The following ITGB7 variants were observed in gnomAD, a reference collection of about 807,000 sequenced individuals.
ITGB7 encodes the protein integrin beta-7.
In ITGB7, 55 loss-of-function variants were observed where a neutral mutation model predicts 83.4. That is an observed-to-expected ratio of 0.66 (90% CI 0.53 to 0.83). ITGB7 has a LOEUF of 0.83. ITGB7 is among the 40% of genes least tolerant of loss of function. ITGB7 has a pLI of 0.00. For synonymous variants in ITGB7, 454 were observed against 423.6 expected, an observed-to-expected ratio of 1.07 and a Z score of -0.88; for missense variants, 921 against 1,046.7, an observed-to-expected ratio of 0.88 and a Z score of 1.66.
chr12:53,191,747 A>C (rs760034104), intron 15 of ITGB7, 111 bp from the exon 16 acceptor site: 50 of 1,526,114 alleles, frequency 3.3e-5, no homozygotes, highest in Admixed American at 2.2e-4. Flanking sequence ...GGAAGTTAGC[A>C]GAGGGGTTGG....
intron 10 of ITGB7, 37 bp downstream of exon 10, chr12:53,194,161 C>A: frequency 6.2e-7 from 1 of 1,612,664 alleles, no homozygotes; most frequent in South Asian, 1.1e-5. Context: ...TCCCACCTCC[C>A]CCTGCCCGCC....
intron 3 of ITGB7, among the ~76,000 whole-genome samples, chr12:53,199,215 C>A (rs1942263607): frequency 6.6e-6 from 1 of 152,170 alleles, no homozygotes; most frequent in South Asian, 2.1e-4. Flanking sequence ...CTGCCCCCAT[C>A]CCAGCTTGGG....
chr12:53,193,763 G>C lies in ITGB7; in HGVS notation c.1447C>G (p.Pro483Ala). ...LCDCNCSDTQPQAPHCSDGQG... is the reference protein window; with the variant it reads ...LCDCNCSDTQAQAPHCSDGQG... ...CCATCACTGCAGTGGGGAGCCTGGGGCTGGGTGTCACTGCAATTACAGTCA... is the reference window on the plus strand; with the variant it reads ...CCATCACTGCAGTGGGGAGCCTGGGCCTGGGTGTCACTGCAATTACAGTCA... The change falls in exon 11 of 16, where the codon CCC (proline) becomes GCC (alanine). Residue 483 changes from proline (P) to alanine (A), a missense_variant. Coordinates refer to ENST00000267082, the MANE Select transcript of ITGB7 (RefSeq NM_000889.3). 1 of 1,614,080 alleles carries C rather than the reference G, an allele frequency of 6.2e-7. No individual in the cohort carries two copies. The highest frequency in any genetic ancestry group is 8.5e-7 in the Non-Finnish European group (1 of 1,179,996).
Position 53,195,042 on chromosome 12 carries a change from T to G in ITGB7, c.1161+332A>C, listed in dbSNP as rs956036967. ...ATCTGTAAAATAGGGATGGTAACAG[T>G]TATGAAGCAAGGCTTTTGGCAGGGT... On this transcript the variant is annotated intron_variant, in intron 9 of 15. Transcript: ENST00000267082. The G allele has an allele frequency of 1.0e-4, 30 of 292,626 alleles. No individual in the cohort carries two copies. In the Admixed American group the frequency reaches 1.3e-3, roughly 13 times the overall value. The allele number at this position is 292,626 out of a possible 1,614,324, so 18.1% of individuals were successfully genotyped here.
chr12:53,193,649 G>C, intron 11 of ITGB7, 59 bp downstream of exon 11: 1 of 1,430,082 alleles, frequency 7.0e-7, no homozygotes, highest in Non-Finnish European at 9.5e-7. Flanking sequence ...GGAGGAATAC[G>C]GGCCAGGGTT....
intron 1 of ITGB7, among the ~76,000 whole-genome samples, chr12:53,202,816 C>G (rs1942350277): frequency 6.6e-6 from 1 of 152,068 alleles, no homozygotes; most frequent in Non-Finnish European, 1.5e-5. Context: ...CAAAAATTAG[C>G]CGGGTGTAGT....
chr12:53,195,596 TG>T, intron 8 of ITGB7, 29 bp downstream of exon 8: 1 of 1,585,762 alleles, frequency 6.3e-7, no homozygotes, highest in Non-Finnish European at 8.7e-7. Flanking sequence ...GGGATGGGGC[TG>T]GGGGATCTGA....
intron 5 of ITGB7, 188 bp from the exon 6 acceptor site, chr12:53,197,008 G>T: frequency 1.6e-6 from 1 of 638,630 alleles, no homozygotes; most frequent in Non-Finnish European, 2.7e-6. Flanking sequence ...GCAGGTAGAA[G>T]ACATTAAGAG....
At chr12:53,195,793 G>T in intron 7 of ITGB7, 72 bp from the exon 8 acceptor site, 1 of 1,315,400 alleles carries the variant, frequency 7.6e-7, no homozygotes, top group Non-Finnish European at 1.1e-6. Context: ...CCTCAGCCCA[G>T]GGAATCCAGG....
In ITGB7 at chr12:53,192,329, C is replaced by G; in HGVS notation, c.2155+1G>C. 6.2e-7 allele frequency: 1 copy of G among 1,614,010 alleles called. No individual in the cohort carries two copies. The highest frequency in any genetic ancestry group is 1.1e-5 in the South Asian group (1 of 91,072). On this transcript the variant is annotated splice_donor_variant, in intron 14 of 15. Coordinates refer to ENST00000267082, the MANE Select transcript of ITGB7 (RefSeq NM_000889.3). LOFTEE classifies it high-confidence loss of function. Reference sequence around the variant, plus strand: ...GGTTTGTGGCATCCCTGCCCACTTACTTTCTTGGGGTCTCACTCTGAGCAC... The same window carrying G: ...GGTTTGTGGCATCCCTGCCCACTTAGTTTCTTGGGGTCTCACTCTGAGCAC...
Position 53,200,383 on chromosome 12 carries a change from A to G in ITGB7, c.61T>C (p.Leu21=). ...CCTGTGGATGGGATCTTGGCGTCCA[A>G]TTCACTCTCACCTCTGCTCAGGACC... ...LLVLSRGESE[L]DAKIPSTGDA... The change falls in exon 3 of 16, where the codon TTG becomes CTG. Residue 21 remains leucine, a synonymous_variant. Coordinates refer to ENST00000267082, the MANE Select transcript of ITGB7 (RefSeq NM_000889.3). The G allele has an allele frequency of 1.2e-6, 2 of 1,614,132 alleles. No homozygotes were observed. The highest frequency in any genetic ancestry group is 1.3e-5 in the African/African-American group (1 of 75,026).
Position 53,192,421 on chromosome 12 carries a change from G to C in ITGB7, c.2064C>G (p.Cys688Trp). ...ALAPILDDGW[C>W]KERTLDNQLF... ...GCTGGTTGTCCAGGGTCCGCTCTTTGCACCAGCCATCATCCAAGATAGGGG... is the reference window on the plus strand; with the variant it reads ...GCTGGTTGTCCAGGGTCCGCTCTTTCCACCAGCCATCATCCAAGATAGGGG... Residue 688 changes from cysteine (C) to tryptophan (W), a missense_variant, in exon 14 of 16, where the codon TGC becomes TGG. Coordinates refer to ENST00000267082, the MANE Select transcript of ITGB7 (RefSeq NM_000889.3). 6.2e-7 allele frequency: 1 copy of C among 1,614,074 alleles called. No homozygotes were observed. Among genetic ancestry groups the C allele is most frequent in the Non-Finnish European group, 8.5e-7 (1 of 1,180,028 alleles).
chr12:53,195,609 A>G lies in ITGB7; in HGVS notation c.1071+17T>C. On this transcript the variant is annotated intron_variant, in intron 8 of 15. Coordinates refer to ENST00000267082, the MANE Select transcript of ITGB7 (RefSeq NM_000889.3). ...TTGGGATGGGGCTGGGGGATCTGAC[A>G]TGTAGACAGCTCTCACCTGGTAGAC... 6.2e-7 allele frequency: 1 copy of G among 1,604,148 alleles called. No individual in the cohort carries two copies. Among genetic ancestry groups the G allele is most frequent in the Non-Finnish European group, 8.5e-7 (1 of 1,170,894 alleles).
chr12:53,192,973 G>T (rs1254463179), intron 12 of ITGB7, 63 bp from the exon 13 acceptor site: 10 of 1,519,270 alleles, frequency 6.6e-6, no homozygotes, highest in Non-Finnish European at 9.1e-6. Context: ...CCATCATGTG[G>T]CACGACAAGC....
intron 12 of ITGB7, 88 bp downstream of exon 12, chr12:53,193,052 T>A (rs1024569899): frequency 7.1e-7 from 1 of 1,403,250 alleles, no homozygotes; most frequent in Non-Finnish European, 9.9e-7. Context: ...TCTTTTGATA[T>A]TTGCCTTCCA....
rs1942122821 is a variant in ITGB7, at chr12:53,195,398, T to C, written c.1137A>G (p.Val379=). 7 of 1,613,048 alleles carry C rather than the reference T, an allele frequency of 4.3e-6. No homozygotes were observed. The highest frequency in any genetic ancestry group is 1.3e-5 in the African/African-American group (1 of 74,872). ...GELSEDSSNV[V]QLIMDAYNSL... is the part of the protein sequence containing the mutation. ...CATTATAAGCATCCATGATGAGCTGTACCACGTTGCTGGAGTCCTCACTCA... is the reference window on the plus strand; with the variant it reads ...CATTATAAGCATCCATGATGAGCTGCACCACGTTGCTGGAGTCCTCACTCA... The change falls in exon 9 of 16, where the codon GTA becomes GTG. Residue 379 remains valine (V), a synonymous_variant. Transcript: ENST00000267082.
intron 10 of ITGB7, 137 bp downstream of exon 10, chr12:53,194,061 T>C: frequency 7.2e-7 from 1 of 1,397,868 alleles, no homozygotes; most frequent in Non-Finnish European, 9.9e-7. Flanking sequence ...CTCAGACTGC[T>C]CCAGGAAGGA....
At position 53,191,540 on chromosome 12, in the gene ITGB7, A is replaced by T. The variant is rs758333997; in HGVS notation, c.*16T>A. 1 of 1,594,206 alleles carries T rather than the reference A, an allele frequency of 6.3e-7. No individual in the cohort carries two copies. The highest frequency in any genetic ancestry group is 1.7e-5 in the Admixed American group (1 of 60,000). ...CCTCCAAGGAGAAGAGCCTTGGGTA[A>T]GTGTCCCTCCCTCCTTCAGAGAGTG... On this transcript the variant is annotated 3_prime_UTR_variant, in exon 16 of 16. Coordinates refer to ENST00000267082, the MANE Select transcript of ITGB7 (RefSeq NM_000889.3).
intron 9 of ITGB7, 173 bp downstream of exon 9, chr12:53,195,201 G>A: frequency 1.7e-6 from 1 of 602,542 alleles, no homozygotes; most frequent in African/African-American, 1.9e-5. Context: ...TAAGATTTAT[G>A]AATGTAAGAT....
Sources: allele counts gnomAD v4.1 joint callset (sites outside exome capture counted in the v4.1 genomes callset), GRCh38; gene constraint gnomAD v4.1.1; transcripts MANE v1.5; gene names NCBI Gene and HGNC (gene_info 2026-07-23, HGNC 2026-07-21).